Variants in ARHGEF10 observed in about 807,000 individuals in gnomAD.
The protein encoded by ARHGEF10 is Rho guanine nucleotide exchange factor 10.
ARHGEF10 carries 140 observed loss-of-function variants against 147.4 expected under a neutral mutation model. The observed-to-expected ratio is 0.95, with a 90% CI of 0.83 to 1.09. The LOEUF (loss-of-function observed/expected upper bound fraction) is 1.09. Among genes scored for constraint, ARHGEF10 ranks in the 50% least tolerant of loss-of-function variants. ARHGEF10 has a pLI of 0.00. For missense variants in ARHGEF10, 2,222 were observed against 1,752.7 expected (o/e 1.27, Z -4.78); for synonymous variants, 902 against 695.8 (o/e 1.30, Z -4.67).
rs567177015 is a variant in ARHGEF10 at position 1,849,414 on chromosome 8, G to A, written c.37+5978G>A. On this transcript the variant is annotated intron_variant, in intron 2 of 28. Transcript: ENST00000349830. Reference sequence around the variant, plus strand: ...GCCGAGGAGGGCGTGGGCCGGCCGCGTGGACACAGAGGGCAAATGCTGAGG... The same window carrying A: ...GCCGAGGAGGGCGTGGGCCGGCCGCATGGACACAGAGGGCAAATGCTGAGG... Among the ~76,000 whole-genome samples the A allele has an allele frequency of 2.3e-3, 348 of 148,778 alleles. 1 individual carries two copies. Among genetic ancestry groups the A allele is most frequent in the African/African-American group, 7.7e-3 (310 of 40,260 alleles).
chr8:1,848,075 A>G (rs1228410150), intron 2 of ARHGEF10, among the ~76,000 whole-genome samples: 2 of 152,226 alleles, frequency 1.3e-5, no homozygotes, highest in African/African-American at 2.4e-5. Flanking sequence ...GGGTGCTGGG[A>G]CCAGAGCCAC....
Position 1,894,450 on chromosome 8 carries a change from A to C in ARHGEF10, c.1318A>C (p.Lys440Gln), listed in dbSNP as rs905480510. Reference sequence around the variant, plus strand: ...AAAGGTTCTGAGTGAGAGGAAGCTGAAGACGGTGTTCTACCGAGTCAAAGA... The same window carrying C: ...AAAGGTTCTGAGTGAGAGGAAGCTGCAGACGGTGTTCTACCGAGTCAAAGA... Reference protein sequence around the residue: ...EPKVLSERKLKTVFYRVKEIL... With the variant: ...EPKVLSERKLQTVFYRVKEIL... The change falls in exon 13 of 29, where the codon AAG becomes CAG. Residue 440 changes from lysine to glutamine, a missense_variant. Lys to Gln is a moderately conservative substitution (Grantham distance 53). Coordinates refer to ENST00000349830, the MANE Select transcript of ARHGEF10 (RefSeq NM_014629.4). 1.9e-6 allele frequency: 3 copies of C among 1,614,220 alleles called. No homozygotes were observed. Among genetic ancestry groups the C allele is most frequent in the Non-Finnish European group, 1.7e-6 (2 of 1,180,038 alleles).
At chr8:1,907,580 C>T (rs1050223680) in intron 17 of ARHGEF10, among the ~76,000 whole-genome samples, 2 of 152,234 alleles carry the variant, frequency 1.3e-5, no homozygotes, top group Admixed American at 1.3e-4. Context: ...ACACTTGACT[C>T]TTGGGCAGTT....
rs902627984 is a variant in ARHGEF10, at chr8:1,869,116, G to A, written c.623-78G>A. ...TTTGAATAATCATGACATCATCGGCGACTGTGGCCCTGTAAAATTTAAATT... is the reference window on the plus strand; with the variant it reads ...TTTGAATAATCATGACATCATCGGCAACTGTGGCCCTGTAAAATTTAAATT... On this transcript the variant is annotated intron_variant, in intron 6 of 28. Coordinates refer to ENST00000349830, the MANE Select transcript of ARHGEF10 (RefSeq NM_014629.4). The A allele has an allele frequency of 5.4e-5, 69 of 1,274,110 alleles. 1 individual carries two copies. In the Middle Eastern group the frequency reaches 9.3e-4, roughly 17 times the overall value. The allele number at this position is 1,274,110 out of a possible 1,614,324, so 78.9% of individuals were successfully genotyped here.
rs577501453 is a variant in ARHGEF10, at chr8:1,952,875, C to T, written c.3520+48C>T. The T allele has an allele frequency of 3.2e-5, 52 of 1,612,864 alleles. No homozygotes were observed. In the South Asian group the frequency reaches 3.8e-4, roughly 12 times the overall value. Reference sequence around the variant, plus strand: ...GTGGCTGCATCCTGTCTTGCAGGCTCGTGGAGCATAGCAGTGTGTAGTGTG... The same window carrying T: ...GTGGCTGCATCCTGTCTTGCAGGCTTGTGGAGCATAGCAGTGTGTAGTGTG... On this transcript the variant is annotated intron_variant, in intron 28 of 28. Transcript: ENST00000349830.
At chr8:1,873,743 G>GC (rs201329455) in intron 7 of ARHGEF10, among the ~76,000 whole-genome samples, 7 of 141,880 alleles carry the variant, frequency 4.9e-5, no homozygotes, top group African/African-American at 1.1e-4. Context: ...CTTGAGAGGT[G>GC]CCGCGGGGTA....
rs777671041 is a variant in ARHGEF10 at position 1,858,121 on chromosome 8, T to G, written c.193+6T>G. 6 of 1,612,224 alleles carry G rather than the reference T, an allele frequency of 3.7e-6. No individual in the cohort carries two copies. In the Admixed American group the frequency reaches 1.0e-4, roughly 27 times the overall value. On this transcript the variant is annotated splice_donor_region_variant and intron_variant, in intron 3 of 28. Coordinates refer to ENST00000349830, the MANE Select transcript of ARHGEF10 (RefSeq NM_014629.4). ...TGAAGCCCCTGCACCCACAGGTGAG[T>G]TTCCAGGAGGGTCCCCAGGTGAGTC...
intron 7 of ARHGEF10, among the ~76,000 whole-genome samples, chr8:1,871,649 C>G (rs1230941214): frequency 6.6e-6 from 1 of 152,144 alleles, no homozygotes; most frequent in Admixed American, 6.5e-5. Flanking sequence ...GAAACCCCAT[C>G]TCTACTAAAA....
Position 1,894,519 on chromosome 8 carries a change from C to T in ARHGEF10, c.1387C>T (p.Arg463Cys), listed in dbSNP as rs766782739. ...GCTATTTCAGATCGCGCTGGCCAGCCGCGTTTCCGAGTGGGACTCCGTGGA... is the reference window on the plus strand; with the variant it reads ...GCTATTTCAGATCGCGCTGGCCAGCTGCGTTTCCGAGTGGGACTCCGTGGA... ...HSLFQIALAS[R>C]VSEWDSVEMI... Residue 463 changes from arginine (R) to cysteine (C), a missense_variant, in exon 13 of 29, where the codon CGC becomes TGC. By Grantham distance (180) the Arg-to-Cys change is radical. Transcript: ENST00000349830. 5 of 1,614,186 alleles carry T rather than the reference C, an allele frequency of 3.1e-6. No homozygotes were observed. The highest frequency in any genetic ancestry group is 1.7e-4 in the Middle Eastern group (1 of 6,058).
intron 7 of ARHGEF10, among the ~76,000 whole-genome samples, chr8:1,874,806 C>T (rs375738638): frequency 6.7e-6 from 1 of 148,172 alleles, no homozygotes; most frequent in East Asian, 2.0e-4. Context: ...GGTTCTAAGA[C>T]AGGCTGGAGG....
In ARHGEF10 at chr8:1,957,295, G is replaced by A; in HGVS notation, c.*32G>A. 1 of 1,596,072 alleles carries A rather than the reference G, an allele frequency of 6.3e-7. No individual in the cohort carries two copies. Among genetic ancestry groups the A allele is most frequent in the African/African-American group, 1.3e-5 (1 of 74,900 alleles). On this transcript the variant is annotated 3_prime_UTR_variant, in exon 29 of 29. Transcript: ENST00000349830. Reference sequence around the variant, plus strand: ...CGGCCGCCTTCTGCTGTCAGAATTTGCAATCAAGGGTGACTTCTCAGCTAA... The same window carrying A: ...CGGCCGCCTTCTGCTGTCAGAATTTACAATCAAGGGTGACTTCTCAGCTAA...
In ARHGEF10 at chr8:1,929,312, G is replaced by T; in HGVS notation, c.2948G>T (p.Gly983Val). The T allele has an allele frequency of 6.2e-7, 1 of 1,614,108 alleles. No individual in the cohort carries two copies. Among genetic ancestry groups the T allele is most frequent in the Middle Eastern group, 1.7e-4 (1 of 5,988 alleles). Residue 983 changes from glycine to valine, a missense_variant, in exon 25 of 29, where the codon GGC (glycine) becomes GTC (valine). Gly to Val is a moderately radical substitution (Grantham distance 109). Transcript: ENST00000349830. ...ATTTCCATTTATAAAAGCAGTCAAGGCTCCAAGAAAGTGAGACTTCAGCAC... is the reference window on the plus strand; with the variant it reads ...ATTTCCATTTATAAAAGCAGTCAAGTCTCCAAGAAAGTGAGACTTCAGCAC... Reference protein sequence around the residue: ...GSISIYKSSQGSKKVRLQHFF... With the variant: ...GSISIYKSSQVSKKVRLQHFF...
At chr8:1,833,764 C>T (rs1461076700) in intron 1 of ARHGEF10, among the ~76,000 whole-genome samples, 1 of 152,248 alleles carries the variant, frequency 6.6e-6, no homozygotes, top group Non-Finnish European at 1.5e-5. Context: ...GGCCCCACTG[C>T]CTTCTTTAGG....
intron 9 of ARHGEF10, 24 bp from the exon 10 acceptor site, chr8:1,882,611 C>G (rs1242074173): frequency 1.3e-6 from 2 of 1,545,772 alleles, no homozygotes; most frequent in Non-Finnish European, 1.8e-6. Context: ...CCGTCCCGTT[C>G]TCACATCTCC....
intron 10 of ARHGEF10, among the ~76,000 whole-genome samples, chr8:1,884,288 C>T (rs1276126292): frequency 5.3e-5 from 8 of 151,750 alleles, no homozygotes; most frequent in South Asian, 2.1e-4. Context: ...CCCAGCTACT[C>T]AGGAGGCTGA....
At chr8:1,866,280 C>T (rs535082212) in intron 5 of ARHGEF10, among the ~76,000 whole-genome samples, 3 of 152,294 alleles carry the variant, frequency 2.0e-5, no homozygotes, top group South Asian at 2.1e-4. Context: ...TGCCCTTGCC[C>T]GTGTTCTGTG....
At position 1,923,756 on chromosome 8, in the gene ARHGEF10, G is replaced by T. The variant is rs771631615; in HGVS notation, c.2388-18G>T. 6.2e-7 allele frequency: 1 copy of T among 1,614,118 alleles called. No individual in the cohort carries two copies. The highest frequency in any genetic ancestry group is 1.1e-5 in the South Asian group (1 of 91,088). The stretch of plus-strand genomic sequence containing the variant: ...AGCACGTTTTATAAAATGAATGCTT[G>T]TCTGTTGTTTCTGGCAGATCTGGGC... On this transcript the variant is annotated intron_variant, in intron 20 of 28. Transcript: ENST00000349830.
In ARHGEF10 at chr8:1,899,496, G is replaced by T. The variant is rs529642013; in HGVS notation, c.1650+971G>T. 2.6e-5 allele frequency among the ~76,000 whole-genome samples: 4 copies of T among 152,230 alleles called. No individual in the cohort carries two copies. The East Asian group carries it at 5.8e-4, about 22-fold the overall frequency. On this transcript the variant is annotated intron_variant, in intron 15 of 28. Transcript: ENST00000349830. ...TAGTGTGAAGTCCCCTTCCATTGAG[G>T]TTATTTTTATTTTTGACCAACCAAA...
chr8:1,849,983 TGGACACAGAGGGCAAA>T (rs1314729987), intron 2 of ARHGEF10, among the ~76,000 whole-genome samples: 1 of 104,850 alleles, frequency 9.5e-6, no homozygotes, highest in African/African-American at 3.8e-5. Flanking sequence ...GCCGGCTGCA[TGGACACAGAGGGCAAA>T]TGCTGAGGAG....
Sources: allele counts gnomAD v4.1 joint callset (sites outside exome capture counted in the v4.1 genomes callset), GRCh38; gene constraint gnomAD v4.1.1; transcripts MANE v1.5; gene names NCBI Gene and HGNC (gene_info 2026-07-23, HGNC 2026-07-21).